ACAT1: variants seen among roughly 807,000 people sequenced by gnomAD.
ACAT1 encodes the protein acetyl-CoA acetyltransferase 1, also known as acetyl-CoA acetyltransferase, mitochondrial.
A neutral mutation model predicts 47.3 loss-of-function variants in ACAT1; 28 were observed. That is an observed-to-expected ratio of 0.59 (90% confidence interval 0.44 to 0.81). The LOEUF is 0.81. Ranked by LOEUF, ACAT1 falls within the 30% of genes least tolerant of loss-of-function variation. ACAT1 has a pLI of 0.00. For synonymous variants in ACAT1, 181 were observed against 173.6 expected, an observed-to-expected ratio of 1.04 and a Z score of -0.34; for missense variants, 469 against 524.3, an observed-to-expected ratio of 0.89 and a Z score of 1.03.
intron 1 of ACAT1, among the ~76,000 whole-genome samples, chr11:108,130,987 C>A (rs10890816): frequency 0.59 from 88,934 of 151,926 alleles, 26,660 homozygotes; most frequent in East Asian, 0.89. Flanking sequence ...TCCTGACCTC[C>A]AGTGATATGC....
Position 108,141,395 on chromosome 11 carries a change from A to AAAAAAT in ACAT1, c.731-210_731-209insAAAAAT, listed in dbSNP as rs2077582642. Reference sequence around the variant, plus strand: ...AAAAAAAAAAAAAAAAAAAAAAAAAATTGTGAAGCTACTTTGTAAGTTTCT... The same window carrying AAAAAAT: ...AAAAAAAAAAAAAAAAAAAAAAAAAAAAAAATTTGTGAAGCTACTTTGTAAGTTTCT... On this transcript the variant is annotated intron_variant, in intron 7 of 11. Transcript: ENST00000265838. Among the ~76,000 whole-genome samples the AAAAAAT allele has an allele frequency of 4.0e-5, 6 of 149,022 alleles. No individual in the cohort carries two copies. In the East Asian group the frequency reaches 5.9e-4, roughly 15 times the overall value.
chr11:108,127,253 A>G, intron 1 of ACAT1, among the ~76,000 whole-genome samples: 1 of 149,004 alleles, frequency 6.7e-6, no homozygotes, highest in South Asian at 2.1e-4. Context: ...GAAAATCATC[A>G]GCACATAGAA....
At chr11:108,121,159 TCACTGC>T, upstream of ACAT1, 1 of 262,968 alleles carries the variant, frequency 3.8e-6, no homozygotes, top group Admixed American at 5.0e-5. Flanking sequence ...TGTGGTCACG[TCACTGC>T]ACTCCAGCTT....
chr11:108,142,631 G>C (rs896230267), intron 9 of ACAT1, 81 bp downstream of exon 9: 1 of 1,178,964 alleles, frequency 8.5e-7, no homozygotes, highest in African/African-American at 1.5e-5. Flanking sequence ...GAGCCCCGGA[G>C]TTCGAAATCA....
At chr11:108,121,530 G>T, upstream of ACAT1, 1 of 1,471,908 alleles carries the variant, frequency 6.8e-7, no homozygotes, top group Non-Finnish European at 9.3e-7. Context: ...TGCCCGCGCC[G>T]GGCCGCTAGG....
chr11:108,119,223 A>G (rs1252261018), upstream of ACAT1, among the ~76,000 whole-genome samples: 1 of 150,506 alleles, frequency 6.6e-6, no homozygotes, highest in South Asian at 2.1e-4. Flanking sequence ...TCTTTTTTTG[A>G]GACACAGTCT....
chr11:108,143,595 G>C (rs951950283), intron 9 of ACAT1: 1 of 154,644 alleles, frequency 6.5e-6, no homozygotes, highest in Non-Finnish European at 1.4e-5. Context: ...TCTTAGCTTA[G>C]ATCATGGTTT....
chr11:108,123,082 A>C (rs113737274), intron 1 of ACAT1, among the ~76,000 whole-genome samples: 8 of 139,868 alleles, frequency 5.7e-5, no homozygotes, highest in East Asian at 3.9e-4. Flanking sequence ...CACACACACA[A>C]AAATTAGCTG....
At chr11:108,121,557 G>T, upstream of ACAT1, 4 of 1,536,308 alleles carry the variant, frequency 2.6e-6, no homozygotes, top group Non-Finnish European at 2.6e-6. Context: ...GGGTTGGGGA[G>T]GAGGCCGCTA....
At chr11:108,142,875 A>G (rs1214544177) in intron 9 of ACAT1, 1 of 282,170 alleles carries the variant, frequency 3.5e-6, no homozygotes, top group Non-Finnish European at 7.0e-6. Flanking sequence ...TAAGCTCTTC[A>G]TGAAATTGAG....
intron 6 of ACAT1, among the ~76,000 whole-genome samples, chr11:108,139,682 A>G (rs1477810767): frequency 6.6e-6 from 1 of 152,018 alleles, no homozygotes; most frequent in Non-Finnish European, 1.5e-5. Flanking sequence ...TTTTTTTGAA[A>G]TGGTGTCTTG....
At chr11:108,147,211 T>C in intron 11 of ACAT1, 59 bp from the exon 12 acceptor site, 1 of 1,590,582 alleles carries the variant, frequency 6.3e-7, no homozygotes, top group Non-Finnish European at 8.6e-7. Flanking sequence ...AATAGAAACA[T>C]TTTGGTTAGT....
intron 1 of ACAT1, among the ~76,000 whole-genome samples, chr11:108,122,153 A>C (rs1045410083): frequency 1.3e-5 from 2 of 152,248 alleles, no homozygotes; most frequent in African/African-American, 4.8e-5. Context: ...CCATGTGATC[A>C]TAACAGATGT....
intron 6 of ACAT1, among the ~76,000 whole-genome samples, chr11:108,139,517 G>A (rs865816950): frequency 1.4e-4 from 22 of 151,830 alleles, no homozygotes; most frequent in Middle Eastern, 3.4e-3. Flanking sequence ...GCTTGAACCC[G>A]GGAGGTGGAG....
At chr11:108,136,363 T>C (rs925441000) in intron 5 of ACAT1, 2 of 345,606 alleles carry the variant, frequency 5.8e-6, no homozygotes, top group Non-Finnish European at 1.0e-5. Context: ...ATTTTGGTAT[T>C]TGCAAATGCT....
Position 108,142,844 on chromosome 11 carries a change from A to AG in ACAT1, c.940+294_940+295insG, listed in dbSNP as rs1216678637. ...AGAGCGAGACCCTGTCTTAAAAAAA[A>AG]ATAAGGTTTCTAAACATCTATAAGC... On this transcript the variant is annotated intron_variant, in intron 9 of 11. Transcript: ENST00000265838. 6 of 356,748 alleles carry AG rather than the reference A, an allele frequency of 1.7e-5. No individual in the cohort carries two copies. The East Asian group carries it at 3.7e-4, about 22-fold the overall frequency. 22.1% of individuals were successfully genotyped at this position (356,748 alleles called of 1,614,324 possible).
intron 1 of ACAT1, among the ~76,000 whole-genome samples, chr11:108,123,156 A>C (rs1037930872): frequency 1.2e-4 from 18 of 152,024 alleles, no homozygotes; most frequent in Admixed American, 1.2e-3. Flanking sequence ...AATCGCTTGA[A>C]CCCGGGAGGA....
intron 1 of ACAT1, among the ~76,000 whole-genome samples, chr11:108,127,260 A>G (rs967589493): frequency 6.7e-6 from 1 of 148,210 alleles, no homozygotes; most frequent in Non-Finnish European, 1.5e-5. Context: ...ATCAGCACAT[A>G]GAAGCCTTTT....
intron 8 of ACAT1, 79 bp from the exon 9 acceptor site, chr11:108,142,358 C>A (rs2077606527): frequency 8.5e-6 from 9 of 1,064,022 alleles, no homozygotes; most frequent in Non-Finnish European, 1.1e-5. Context: ...GCAGCCCAGG[C>A]AATAGGTATT....
Sources: allele counts gnomAD v4.1 joint callset (sites outside exome capture counted in the v4.1 genomes callset), GRCh38; gene constraint gnomAD v4.1.1; transcripts MANE v1.5; gene names NCBI Gene and HGNC (gene_info 2026-07-23, HGNC 2026-07-21).